Variants in TMC4 observed in about 807,000 individuals in gnomAD.
TMC4 encodes the protein voltage-gated chloride channel TMC4.
In TMC4, 70 loss-of-function variants were observed where a neutral mutation model predicts 82.0. The ratio of observed to expected loss-of-function variants is 0.85; its 90% CI spans 0.70 to 1.04. The LOEUF is 1.04. Among genes scored for constraint, TMC4 ranks in the 50% least tolerant of loss-of-function variants. TMC4 has a pLI of 0.00. For synonymous variants in TMC4, 446 were observed against 406.0 expected, an observed-to-expected ratio of 1.10 and a Z score of -1.18; for missense variants, 879 against 899.0, an observed-to-expected ratio of 0.98 and a Z score of 0.28.
chr19:54,162,637 GA>G (rs747840690), intron 10 of TMC4, 35 bp downstream of exon 10: 6 of 1,522,780 alleles, frequency 3.9e-6, no homozygotes, highest in Non-Finnish European at 5.5e-6. Context: ...CCTCGTCCTA[GA>G]GGGGCGGGGC....
chr19:54,169,326 C>T (rs1335737499), intron 3 of TMC4, among the ~76,000 whole-genome samples, 186 bp downstream of exon 3: 1 of 151,858 alleles, frequency 6.6e-6, no homozygotes, highest in Non-Finnish European at 1.5e-5. Context: ...TGAGCCACCG[C>T]GCCAGGCCCA....
At chr19:54,162,912 T>C in intron 9 of TMC4, 121 bp downstream of exon 9, 1 of 1,564,112 alleles carries the variant, frequency 6.4e-7, no homozygotes, top group Non-Finnish European at 8.8e-7. Flanking sequence ...TTTCATACCC[T>C]TGGGAGAGTG....
intron 10 of TMC4, 104 bp from the exon 11 acceptor site, chr19:54,162,389 T>TGGGGGGGG (rs779701144): frequency 1.2e-5 from 3 of 255,556 alleles, no homozygotes; most frequent in East Asian, 1.2e-4. Flanking sequence ...GTATTGGTGG[T>TGGGGGGGG]GGGGGGGGGG....
intron 2 of TMC4, among the ~76,000 whole-genome samples, chr19:54,171,085 A>ATATATATG (rs1385272793): frequency 6.6e-6 from 1 of 151,524 alleles, no homozygotes; most frequent in Non-Finnish European, 1.5e-5. Flanking sequence ...ATATATGTGT[A>ATATATATG]TATATATACA....
At position 54,168,227 on chromosome 19, in the gene TMC4, G is replaced by A. The variant is rs1312730291; in HGVS notation, c.741C>T (p.Thr247=). The change falls in exon 5 of 15, where the codon ACC becomes ACT. Residue 247 remains threonine, a synonymous_variant. Coordinates refer to ENST00000619895, the MANE Select transcript of TMC4 (RefSeq NM_144686.4). The part of the protein sequence containing the change: ...FYPPRPRLAV[T]YLCWAFAVGL... The stretch of plus-strand genomic sequence containing the variant: ...CAACGGCAAAGGCCCAGCACAGGTA[G>A]GTGACCGCCAGGCGTGGGCGGGGCG... The A allele has an allele frequency of 1.3e-6, 2 of 1,588,912 alleles. No homozygotes were observed. Among genetic ancestry groups the A allele is most frequent in the Admixed American group, 1.8e-5 (1 of 56,266 alleles).
At chr19:54,162,055 C>T (rs777521161) in intron 11 of TMC4, 47 bp downstream of exon 11, 1 of 1,528,392 alleles carries the variant, frequency 6.5e-7, no homozygotes, top group Middle Eastern at 1.7e-4. Flanking sequence ...GGAGTGCGGG[C>T]CCCAATACCT....
At position 54,168,515 on chromosome 19, in the gene TMC4, G is replaced by A. The variant is rs1414814348; in HGVS notation, c.608C>T (p.Ser203Phe). Residue 203 changes from serine (S) to phenylalanine (F), a missense_variant, in exon 4 of 15, where the codon TCC becomes TTC. Coordinates refer to ENST00000619895, the MANE Select transcript of TMC4 (RefSeq NM_144686.4). ...PGPDISSPCG[S>F]YNPHSQGLVT... The stretch of plus-strand genomic sequence containing the variant: ...CAGGCCCTGGGAGTGGGGGTTATAG[G>A]AGCCGCAGGGCGAGGAGATGTCGGG... 3.2e-6 allele frequency: 5 copies of A among 1,549,474 alleles called. No individual in the cohort carries two copies. In the Admixed American group the frequency reaches 9.9e-5, roughly 31 times the overall value.
intron 3 of TMC4, 69 bp downstream of exon 3, chr19:54,169,443 C>T: frequency 6.5e-7 from 1 of 1,531,972 alleles, no homozygotes; most frequent in Non-Finnish European, 8.7e-7. Flanking sequence ...AGTCCGTCCC[C>T]AGCCCCTCCT....
chr19:54,161,992 T>TC, intron 11 of TMC4, 110 bp downstream of exon 11: 1 of 953,350 alleles, frequency 1.0e-6, no homozygotes, highest in South Asian at 1.7e-5. Context: ...AACCCCCTCC[T>TC]CTCTCAGGAC....
At chr19:54,161,304 G>T in intron 11 of TMC4, 44 bp from the exon 12 acceptor site, 1 of 1,366,402 alleles carries the variant, frequency 7.3e-7, no homozygotes, top group Non-Finnish European at 9.6e-7. Context: ...AAACACAAGA[G>T]TCTGTGCCTC....
At position 54,164,564 on chromosome 19, in the gene TMC4, G is replaced by T; in HGVS notation, c.983C>A (p.Ala328Glu). ...GGCTTGCTGGCCCAGCGTCCGCACCGCAGCCTGGCGCCGCACCACTGTCTC... is the reference window on the plus strand; with the variant it reads ...GGCTTGCTGGCCCAGCGTCCGCACCTCAGCCTGGCGCCGCACCACTGTCTC... Reference protein sequence around the residue: ...LEETVVRRQAAVRTLGQQARV... With the variant: ...LEETVVRRQAEVRTLGQQARV... Residue 328 changes from alanine (A) to glutamate (E), a missense_variant, in exon 7 of 15, where the codon GCG (alanine) becomes GAG (glutamate). By Grantham distance (107) the Ala-to-Glu change is moderately radical. Coordinates refer to ENST00000619895, the MANE Select transcript of TMC4 (RefSeq NM_144686.4). 4 of 1,613,650 alleles carry T rather than the reference G, an allele frequency of 2.5e-6. No homozygotes were observed. The highest frequency in any genetic ancestry group is 2.5e-6 in the Non-Finnish European group (3 of 1,179,970).
At chr19:54,171,083 GTA>G (rs575653907) in intron 2 of TMC4, among the ~76,000 whole-genome samples, 5 of 36,388 alleles carry the variant, frequency 1.4e-4, no homozygotes, top group Admixed American at 1.1e-3. Context: ...ATATATATGT[GTA>G]TATATATACA....
chr19:54,168,784 T>TTTTCTTTTC lies in TMC4; in HGVS notation c.443-113_443-105dup, dbSNP rs1568743207. 78 of 251,092 alleles carry TTTTCTTTTC rather than the reference T, an allele frequency of 3.1e-4. 29 individuals carry two copies. Among genetic ancestry groups the TTTTCTTTTC allele is most frequent in the African/African-American group, 2.8e-3 (49 of 17,378 alleles). 15.6% of individuals were successfully genotyped at this position (251,092 alleles called of 1,614,324 possible). A position where few individuals can be genotyped will look rare whatever the true frequency, so the allele number is the denominator to read the frequency against. The stretch of plus-strand genomic sequence containing the variant: ...AGCCGCGCCTTCCTTTCTTTCTTTC[T>TTTTCTTTTC]TTTCTTTTCTTTCTTTTCTTTTCTT... On this transcript the variant is annotated intron_variant, in intron 3 of 14. Transcript: ENST00000619895.
chr19:54,162,198 G>C lies in TMC4; in HGVS notation c.1590C>G (p.Ile530Met), dbSNP rs764621289. The C allele has an allele frequency of 2.2e-5, 35 of 1,613,508 alleles. No homozygotes were observed. The highest frequency in any genetic ancestry group is 3.0e-5 in the Non-Finnish European group (35 of 1,179,836). ...FQVPDEVLGLIYAQTVVWVGS... is the reference protein window; with the variant it reads ...FQVPDEVLGLMYAQTVVWVGS... ...CCACCCAGACCACCGTCTGCGCGTAGATGAGCCCCAGCACCTCGTCGGGCA... is the reference window on the plus strand; with the variant it reads ...CCACCCAGACCACCGTCTGCGCGTACATGAGCCCCAGCACCTCGTCGGGCA... The change falls in exon 11 of 15, where the codon ATC (isoleucine) becomes ATG (methionine). Residue 530 changes from isoleucine to methionine, a missense_variant. Transcript: ENST00000619895.
At chr19:54,172,930 C>A (rs560597274) in intron 1 of TMC4, 109 bp downstream of exon 1, 2 of 914,808 alleles carry the variant, frequency 2.2e-6, no homozygotes, top group East Asian at 5.1e-5. Context: ...GGAACCTTCT[C>A]TCTTTAGCCC....
rs145368395 is a variant in TMC4 at position 54,168,779 on chromosome 19, C to CTTTCT, written c.443-104_443-100dup. ...GGTCCAGCCGCGCCTTCCTTTCTTT[C>CTTTCT]TTTCTTTTCTTTTCTTTCTTTTCTT... On this transcript the variant is annotated intron_variant, in intron 3 of 14. Transcript: ENST00000619895. The CTTTCT allele has an allele frequency of 6.4e-4, 219 of 343,884 alleles. 83 individuals are homozygous for CTTTCT. The highest frequency in any genetic ancestry group is 6.2e-3 in the African/African-American group (159 of 25,660). 21.3% of individuals were successfully genotyped at this position (343,884 alleles called of 1,614,324 possible). A position where few individuals can be genotyped will look rare whatever the true frequency, so the allele number is the denominator to read the frequency against.
At position 54,172,027 on chromosome 19, in the gene TMC4, G is replaced by A. The variant is rs557418786; in HGVS notation, c.136C>T (p.Arg46Ter). The change falls in exon 2 of 15, where the codon CGA (arginine) becomes TGA (stop). Residue 46 changes from arginine (R) to a stop codon, truncating the protein, a stop_gained. Coordinates refer to ENST00000619895, the MANE Select transcript of TMC4 (RefSeq NM_144686.4). LOFTEE classifies it high-confidence loss of function. ...CCCCAAGGCAGCACCCCAGGGTCTC[G>A]GTACCGAAGGGTGGCAGCACTGGGC... ...ELPSAATLRY[R>*]DPGVLPWGAL... The A allele has an allele frequency of 9.9e-6, 16 of 1,613,048 alleles. No homozygotes were observed. Among genetic ancestry groups the A allele is most frequent in the South Asian group, 3.3e-5 (3 of 90,946 alleles).
intron 5 of TMC4, among the ~76,000 whole-genome samples, chr19:54,167,804 T>C (rs2075741658): frequency 6.6e-6 from 1 of 151,830 alleles, no homozygotes; most frequent in African/African-American, 2.4e-5. Context: ...GGCTCACGCC[T>C]GTAATCCCAG....
rs757872994 is a variant in TMC4, at chr19:54,161,182, G to A, written c.1765C>T (p.Leu589Phe). Residue 589 changes from leucine to phenylalanine, a missense_variant, in exon 12 of 15, where the codon CTT becomes TTT. Transcript: ENST00000619895. The stretch of plus-strand genomic sequence containing the variant: ...CTGGAGATGGCCAGACCCAGGAGAA[G>A]GACCAAGGGGAAAAAGAAATTCGCC... ...SAANFFFPLV[L>F]LLGLAISSVP... 1 of 1,593,044 alleles carries A rather than the reference G, an allele frequency of 6.3e-7. No homozygotes were observed.
Sources: allele counts gnomAD v4.1 joint callset (sites outside exome capture counted in the v4.1 genomes callset), GRCh38; gene constraint gnomAD v4.1.1; transcripts MANE v1.5; gene names NCBI Gene and HGNC (gene_info 2026-07-23, HGNC 2026-07-21).